Variants in SMCHD1 observed in about 807,000 individuals in gnomAD.
SMCHD1 encodes structural maintenance of chromosomes flexible hinge domain containing 1, also known as structural maintenance of chromosomes flexible hinge domain-containing protein 1.
A neutral mutation model predicts 254.7 loss-of-function variants in SMCHD1; 78 were observed. The observed-to-expected ratio is 0.31, with a 90% confidence interval of 0.26 to 0.37. The LOEUF (loss-of-function observed/expected upper bound fraction) is 0.37, where lower values mean the gene tolerates loss of function less well. Among genes scored for constraint, SMCHD1 ranks in the 10% least tolerant of loss-of-function variants. SMCHD1 has a pLI of 1.00. For synonymous variants in SMCHD1, 766 were observed against 794.9 expected, an observed-to-expected ratio of 0.96 and a Z score of 0.61; for missense variants, 1,840 against 2,408.1, an observed-to-expected ratio of 0.76 and a Z score of 4.94.
chr18:2,707,037 G>A (rs1443615470), intron 15 of SMCHD1, among the ~76,000 whole-genome samples: 4 of 152,160 alleles, frequency 2.6e-5, no homozygotes, highest in Non-Finnish European at 5.9e-5. Flanking sequence ...ACTATCAAGA[G>A]AACAGCATGG....
chr18:2,735,101 A>T (rs941061405), intron 25 of SMCHD1, among the ~76,000 whole-genome samples: 2 of 152,102 alleles, frequency 1.3e-5, no homozygotes, highest in African/African-American at 4.8e-5. Context: ...ACGAACAAGT[A>T]GGCTTTATTT....
At chr18:2,768,396 A>G (rs1200830342) in intron 37 of SMCHD1, among the ~76,000 whole-genome samples, 1 of 152,138 alleles carries the variant, frequency 6.6e-6, no homozygotes, top group Non-Finnish European at 1.5e-5. Context: ...GCACTCCCAT[A>G]TACTGCTGGT....
intron 24 of SMCHD1, among the ~76,000 whole-genome samples, chr18:2,729,708 G>T (rs1333665446): frequency 3.3e-5 from 4 of 122,302 alleles, no homozygotes; most frequent in Non-Finnish European, 5.5e-5. Flanking sequence ...TTATTCTTTC[G>T]CTTTTTTTTT....
In SMCHD1 at chr18:2,700,642, A is replaced by T. The variant is rs754277921; in HGVS notation, c.1446A>T (p.Pro482=). 2 of 1,608,460 alleles carry T rather than the reference A, an allele frequency of 1.2e-6. No individual in the cohort carries two copies. The highest frequency in any genetic ancestry group is 2.7e-5 in the African/African-American group (2 of 74,746). ...FECFWNGRLI[P]YTSVEDFDWC... ...GTTTTTGGAATGGACGATTAATACC[A>T]TATACATCAGTTGAAGAGTAAGTTT... The change falls in exon 11 of 48, where the codon CCA becomes CCT. Residue 482 remains proline, a synonymous_variant. Coordinates refer to ENST00000320876, the MANE Select transcript of SMCHD1 (RefSeq NM_015295.3).
intron 3 of SMCHD1, among the ~76,000 whole-genome samples, chr18:2,668,858 C>T (rs151306733): frequency 9.5e-4 from 145 of 152,180 alleles, no homozygotes; most frequent in Non-Finnish European, 1.5e-3. Context: ...TGTTTTGTCA[C>T]TTCTTCCTTT....
chr18:2,734,515 G>A (rs1480678189), intron 25 of SMCHD1, among the ~76,000 whole-genome samples: 1 of 152,150 alleles, frequency 6.6e-6, no homozygotes, highest in Non-Finnish European at 1.5e-5. Context: ...TGGTTTTGTA[G>A]TGTTGAGAGA....
intron 33 of SMCHD1, 133 bp downstream of exon 33, chr18:2,751,526 G>A: frequency 5.2e-6 from 3 of 579,534 alleles, no homozygotes; most frequent in South Asian, 4.3e-5. Flanking sequence ...CATTCCTTTG[G>A]GGTTAAAGAA....
intron 17 of SMCHD1, among the ~76,000 whole-genome samples, chr18:2,712,825 T>C (rs2074711220): frequency 6.6e-6 from 1 of 152,184 alleles, no homozygotes; most frequent in Admixed American, 6.5e-5. Flanking sequence ...ACTCACCTGT[T>C]TTATATTATT....
chr18:2,799,185 A>C (rs143692967), intron 47 of SMCHD1, among the ~76,000 whole-genome samples: 3 of 152,208 alleles, frequency 2.0e-5, no homozygotes, highest in Admixed American at 1.3e-4. Context: ...TTAATAATAG[A>C]TATTATTGAA....
At chr18:2,770,911 C>T (rs577032788) in intron 39 of SMCHD1, among the ~76,000 whole-genome samples, 1 of 152,184 alleles carries the variant, frequency 6.6e-6, no homozygotes, top group Non-Finnish European at 1.5e-5. Flanking sequence ...TGTTAGCCAC[C>T]ACACCCAGCC....
chr18:2,701,084 CT>C, intron 12 of SMCHD1, 166 bp downstream of exon 12: 1 of 479,402 alleles, frequency 2.1e-6, no homozygotes, highest in Non-Finnish European at 3.6e-6. Context: ...AAATTTAAAG[CT>C]AATTTTTTAG....
chr18:2,719,092 A>G, intron 19 of SMCHD1, among the ~76,000 whole-genome samples: 1 of 150,358 alleles, frequency 6.7e-6, no homozygotes, highest in Non-Finnish European at 1.5e-5. Flanking sequence ...GCCTGTTTTT[A>G]TCTAGTATCA....
At chr18:2,737,407 A>AT (rs986148601) in intron 25 of SMCHD1, among the ~76,000 whole-genome samples, 4 of 152,126 alleles carry the variant, frequency 2.6e-5, no homozygotes, top group African/African-American at 7.2e-5. Context: ...TAATTTAGAA[A>AT]TTTTTTTTAA....
chr18:2,718,238 G>A lies in SMCHD1; in HGVS notation c.2338+3G>A. 1 of 1,612,448 alleles carries A rather than the reference G, an allele frequency of 6.2e-7. No individual in the cohort carries two copies. The highest frequency in any genetic ancestry group is 8.5e-7 in the Non-Finnish European group (1 of 1,178,944). On this transcript the variant is annotated splice_donor_region_variant and intron_variant, in intron 18 of 47. Transcript: ENST00000320876. This position sits in a 1 kb window ranked among gnomAD's most constrained non-coding sequence, Gnocchi z 4.6. ...GCCTTACTGGTTTAAAAAAATGGGT[G>A]AGTTCTTATTCTGAATGTTAAAAAA...
intron 1 of SMCHD1, among the ~76,000 whole-genome samples, chr18:2,663,553 T>A (rs1231278010): frequency 6.6e-6 from 1 of 152,240 alleles, no homozygotes; most frequent in Non-Finnish European, 1.5e-5. Context: ...GTGGATTTTA[T>A]CTGTTTCCAT....
Position 2,796,432 on chromosome 18 carries a change from T to C in SMCHD1, c.5904T>C (p.Asn1968=). 6.2e-7 allele frequency: 1 copy of C among 1,601,372 alleles called. No homozygotes were observed. Among genetic ancestry groups the C allele is most frequent in the Non-Finnish European group, 8.5e-7 (1 of 1,173,658 alleles). Residue 1968 remains asparagine, a synonymous_variant, in exon 47 of 48, where the codon AAT becomes AAC. Coordinates refer to ENST00000320876, the MANE Select transcript of SMCHD1 (RefSeq NM_015295.3). ...GTATGACTCCCATACGTAAGTGTAA[T>C]GACTCATTGCGTCATTCACCAAAGG... ...KLGMTPIRKC[N]DSLRHSPKVE...
chr18:2,738,533 C>T lies in SMCHD1; in HGVS notation c.3413C>T (p.Ala1138Val), dbSNP rs2075292325. 3 of 1,610,556 alleles carry T rather than the reference C, an allele frequency of 1.9e-6. No homozygotes were observed. The highest frequency in any genetic ancestry group is 2.5e-6 in the Non-Finnish European group (3 of 1,178,408). ...FQDDHVSLESAFTVRPLPDEP... is the reference protein window; with the variant it reads ...FQDDHVSLESVFTVRPLPDEP... ...GATGATCATGTGTCTTTGGAAAGTG[C>T]GTTTACAGTAAGGTTTGTGGACTCA... Residue 1138 changes from alanine (A) to valine (V), a missense_variant, in exon 26 of 48, where the codon GCG (alanine) becomes GTG (valine). Transcript: ENST00000320876.
intron 25 of SMCHD1, among the ~76,000 whole-genome samples, chr18:2,734,721 A>C (rs947490213): frequency 1.1e-4 from 16 of 152,068 alleles, no homozygotes; most frequent in African/African-American, 3.9e-4. Context: ...GTAACTAAAA[A>C]CATTAGAGGA....
intron 7 of SMCHD1, among the ~76,000 whole-genome samples, chr18:2,691,214 G>A (rs1309021232): frequency 6.6e-6 from 1 of 152,172 alleles, no homozygotes; most frequent in Non-Finnish European, 1.5e-5. Context: ...TAAAACTGGT[G>A]AAAAATAGGA....
Sources: allele counts gnomAD v4.1 joint callset (sites outside exome capture counted in the v4.1 genomes callset), GRCh38; gene constraint gnomAD v4.1.1; non-coding constraint Gnocchi (gnomAD v3.1); transcripts MANE v1.5; gene names NCBI Gene and HGNC (gene_info 2026-07-23, HGNC 2026-07-21).